PYHIN1: variants seen among roughly 807,000 people sequenced by gnomAD.
PYHIN1 encodes pyrin and HIN domain family member 1.
Under a neutral mutation model 43.7 loss-of-function variants are expected in PYHIN1, and 32 were observed. That is an observed-to-expected ratio of 0.73 (90% CI 0.55 to 0.98). The LOEUF (loss-of-function observed/expected upper bound fraction) is 0.98. Ranked by LOEUF, PYHIN1 falls within the 50% of genes least tolerant of loss-of-function variation. The pLI is 0.00. For synonymous variants in PYHIN1, 205 were observed against 203.1 expected, an observed-to-expected ratio of 1.01 and a Z score of -0.08; for missense variants, 588 against 589.5, an observed-to-expected ratio of 1.00 and a Z score of 0.03.
downstream of PYHIN1, among the ~76,000 whole-genome samples, chr1:158,978,880 C>A (rs76949008): frequency 6.6e-6 from 1 of 152,076 alleles, no homozygotes; most frequent in African/African-American, 2.4e-5. Flanking sequence ...CTACTTGGGA[C>A]CACAAGTAGG....
intron 6 of PYHIN1, 26 bp from the exon 7 acceptor site, chr1:158,944,849 T>C (rs1417332705): frequency 6.7e-7 from 1 of 1,502,714 alleles, no homozygotes; most frequent in East Asian, 2.4e-5. Flanking sequence ...TTAAAAAACA[T>C]TAAACAAAAA....
chr1:158,934,732 T>C (rs1571713636), intron 1 of PYHIN1, among the ~76,000 whole-genome samples: 1 of 152,196 alleles, frequency 6.6e-6, no homozygotes, highest in African/African-American at 2.4e-5. Context: ...TTTGTATTTA[T>C]TTTTATCGAG....
intron 7 of PYHIN1, among the ~76,000 whole-genome samples, chr1:158,957,548 C>A (rs1489856183): frequency 1.3e-5 from 2 of 150,328 alleles, no homozygotes; most frequent in African/African-American, 2.4e-5. Context: ...AACTGGCTAG[C>A]CATATGTAGA....
At chr1:158,984,452 A>G in the PYHIN1 span, among the ~76,000 whole-genome samples, 6,255 of 152,030 alleles carry the variant, frequency 0.041, 350 homozygotes, top group East Asian at 0.26. Context: ...TACTTCTATG[A>G]TTTTCAGAGA....
the PYHIN1 span, among the ~76,000 whole-genome samples, chr1:158,986,649 C>G: frequency 1.1e-4 from 17 of 152,150 alleles, no homozygotes; most frequent in Admixed American, 3.9e-4. Flanking sequence ...ACACTCTGAT[C>G]AAACCAGCCC....
At chr1:158,976,669 A>G (rs1651277045) in intron 8 of PYHIN1, 32 bp from the exon 9 acceptor site, 7 of 1,558,738 alleles carry the variant, frequency 4.5e-6, no homozygotes, top group Middle Eastern at 1.7e-4. Context: ...CTGCATCTCA[A>G]CGGGTTTATT....
chr1:158,934,401 G>A (rs949787861), intron 1 of PYHIN1, among the ~76,000 whole-genome samples: 1 of 152,062 alleles, frequency 6.6e-6, no homozygotes, highest in Non-Finnish European at 1.5e-5. Context: ...GGGACTTTGG[G>A]CCAGCATTAT....
intron 7 of PYHIN1, among the ~76,000 whole-genome samples, chr1:158,972,458 G>T (rs1650988306): frequency 6.6e-6 from 1 of 151,756 alleles, no homozygotes; most frequent in African/African-American, 2.4e-5. Context: ...ATTTACAAGG[G>T]ATACATTGAT....
At chr1:158,981,190 C>T (rs1378991697), downstream of PYHIN1, among the ~76,000 whole-genome samples, 1 of 152,130 alleles carries the variant, frequency 6.6e-6, no homozygotes, top group Non-Finnish European at 1.5e-5. Context: ...CATGTCATTA[C>T]TATTATGAAA....
chr1:158,976,952 T>C lies in PYHIN1; in HGVS notation c.*257T>C, dbSNP rs1165256688. On this transcript the variant is annotated 3_prime_UTR_variant, in exon 9 of 9. Coordinates refer to ENST00000368140, the MANE Select transcript of PYHIN1 (RefSeq NM_152501.5). Reference sequence around the variant, plus strand: ...ATTCTAGGAAATGGAGTATTAAGGGTGCATTTTATTTCATTAGTTTTACTT... The same window carrying C: ...ATTCTAGGAAATGGAGTATTAAGGGCGCATTTTATTTCATTAGTTTTACTT... 1 of 228,574 alleles carries C rather than the reference T, an allele frequency of 4.4e-6. No individual in the cohort carries two copies. The highest frequency in any genetic ancestry group is 8.6e-5 in the East Asian group (1 of 11,608). The allele number at this position is 228,574 out of a possible 1,614,324, so 14.2% of individuals were successfully genotyped here.
In PYHIN1 at chr1:158,973,780, T is replaced by C; in HGVS notation, c.*5+9T>C. ...GCAGTTCCTTAAATAAGGTACCACC[T>C]TTCTATTTGCATTGCTGTACCTCTA... is the stretch of plus-strand genomic sequence containing the variant. On this transcript the variant is annotated intron_variant, in intron 8 of 8. Coordinates refer to ENST00000368140, the MANE Select transcript of PYHIN1 (RefSeq NM_152501.5). 1 of 1,612,570 alleles carries C rather than the reference T, an allele frequency of 6.2e-7. No individual in the cohort carries two copies. The highest frequency in any genetic ancestry group is 1.1e-5 in the South Asian group (1 of 91,012).
rs754883577 is a variant in PYHIN1, at chr1:158,937,033, A to T, written c.123A>T (p.Glu41Asp). 10 of 1,614,172 alleles carry T rather than the reference A, an allele frequency of 6.2e-6. No individual in the cohort carries two copies. The Admixed American group carries it at 1.7e-4, about 27-fold the overall frequency. Residue 41 changes from glutamate to aspartate, a missense_variant, in exon 2 of 9, where the codon GAA (glutamate) becomes GAT (aspartate). By Grantham distance (45) the Glu-to-Asp change is conservative. Coordinates refer to ENST00000368140, the MANE Select transcript of PYHIN1 (RefSeq NM_152501.5). ...TAAAACTTAATCCAAAAATGAAAGA[A>T]GAGTATGACAAAATTCAGATTGCTG... The part of the protein sequence containing the change: ...NDLKLNPKMK[E>D]EYDKIQIADL...
intron 7 of PYHIN1, among the ~76,000 whole-genome samples, chr1:158,955,812 G>A (rs1161228878): frequency 2.5e-5 from 2 of 78,506 alleles, no homozygotes; most frequent in African/African-American, 4.1e-5. Context: ...AGGAATCCAG[G>A]AGCTGGTTTT....
downstream of PYHIN1, among the ~76,000 whole-genome samples, chr1:158,979,392 A>G (rs1651410417): frequency 6.6e-6 from 1 of 152,178 alleles, no homozygotes; most frequent in Non-Finnish European, 1.5e-5. Context: ...AAGTGGACTC[A>G]TGCAGTATTT....
chr1:158,945,173 A>G (rs1473301187), intron 7 of PYHIN1, 131 bp downstream of exon 7: 62 of 870,516 alleles, frequency 7.1e-5, no homozygotes, highest in Non-Finnish European at 9.4e-5. Flanking sequence ...TCACCCATGT[A>G]TTTATTGAAT....
At chr1:158,936,752 GA>G (rs1338999873) in intron 1 of PYHIN1, 138 bp from the exon 2 acceptor site, 3 of 478,218 alleles carry the variant, frequency 6.3e-6, no homozygotes, top group Non-Finnish European at 1.1e-5. Flanking sequence ...ACTGAATGGA[GA>G]AAAACTGGAA....
At chr1:158,960,163 T>A (rs1304785076) in intron 7 of PYHIN1, among the ~76,000 whole-genome samples, 1 of 152,236 alleles carries the variant, frequency 6.6e-6, no homozygotes, top group Non-Finnish European at 1.5e-5. Flanking sequence ...CTATATTGCC[T>A]CAATAGTTTA....
intron 2 of PYHIN1, among the ~76,000 whole-genome samples, chr1:158,937,468 AATT>A (rs1334423130): frequency 6.6e-6 from 1 of 152,204 alleles, no homozygotes; most frequent in Admixed American, 6.5e-5. Context: ...GACAAAATAA[AATT>A]ATAAAAATTG....
intron 7 of PYHIN1, among the ~76,000 whole-genome samples, chr1:158,966,041 G>A (rs1029253584): frequency 6.6e-6 from 1 of 152,010 alleles, no homozygotes; most frequent in African/African-American, 2.4e-5. Flanking sequence ...ATGACCAAGG[G>A]AAATTACCAC....
Sources: gnomAD v4.1 joint callset for allele counts (sites outside exome capture counted in the v4.1 genomes callset) on GRCh38, gnomAD v4.1.1 for gene constraint, MANE v1.5 for transcripts, NCBI Gene and HGNC (gene_info 2026-07-23, HGNC 2026-07-21) for gene names.